RNASEH2B: variants seen among roughly 807,000 people sequenced by gnomAD.
RNASEH2B encodes the protein ribonuclease H2 subunit B, also known as Aicardi-Goutieres syndrome 2 protein.
RNASEH2B carries 36 observed loss-of-function variants against 45.0 expected under a neutral mutation model. That is an observed-to-expected ratio of 0.80 (90% confidence interval 0.61 to 1.06). The LOEUF is 1.06. Ranked by LOEUF, RNASEH2B falls within the 50% of genes least tolerant of loss-of-function variation. The probability of loss-of-function intolerance (pLI) is 0.00; values close to 1 mark genes in which losing one functional copy is unlikely to be tolerated. For synonymous variants in RNASEH2B, 119 were observed against 125.7 expected, an observed-to-expected ratio of 0.95 and a Z score of 0.35; for missense variants, 361 against 360.3, an observed-to-expected ratio of 1.00 and a Z score of -0.02.
intron 6 of RNASEH2B, among the ~76,000 whole-genome samples, chr13:50,943,638 C>T (rs920245677): frequency 6.6e-6 from 1 of 152,186 alleles, no homozygotes; most frequent in African/African-American, 2.4e-5. Context: ...CCTGCTCCTA[C>T]TACGGAATGA....
Position 50,953,885 on chromosome 13 carries a change from T to C in RNASEH2B, c.742-20T>C, listed in dbSNP as rs755138594. On this transcript the variant is annotated intron_variant, in intron 9 of 10. Coordinates refer to ENST00000336617, the MANE Select transcript of RNASEH2B (RefSeq NM_024570.4). ...TGTCAAAGTGACATTTGACACCACT[T>C]CACTGCTCTAATGTTGCAGAAAATA... The C allele has an allele frequency of 9.8e-6, 15 of 1,528,062 alleles. No homozygotes were observed. The African/African-American group carries it at 1.8e-4, about 18-fold the overall frequency. 94.7% of individuals were successfully genotyped at this position (1,528,062 alleles called of 1,614,324 possible). A position where few individuals can be genotyped will look rare whatever the true frequency, so the allele number is the denominator to read the frequency against.
intron 1 of RNASEH2B, among the ~76,000 whole-genome samples, chr13:50,925,968 CAT>C (rs1461802457): frequency 1.3e-5 from 2 of 152,154 alleles, no homozygotes; most frequent in African/African-American, 4.8e-5. Flanking sequence ...GCTGGGCAAT[CAT>C]AGGGCTCATC....
chr13:50,967,422 A>ACTTCTTT (rs1411154598), intron 9 of RNASEH2B, among the ~76,000 whole-genome samples: 1 of 152,234 alleles, frequency 6.6e-6, no homozygotes, highest in Non-Finnish European at 1.5e-5. Context: ...AGACTGGCAA[A>ACTTCTTT]GCGCATTGTG....
intron 9 of RNASEH2B, chr13:50,953,492 C>G (rs1279557450): frequency 9.0e-6 from 2 of 221,352 alleles, no homozygotes; most frequent in Non-Finnish European, 1.8e-5. Flanking sequence ...ATTAAACTGG[C>G]CCAGGAGGTA....
chr13:50,921,054 C>T (rs566056323), intron 1 of RNASEH2B: 40 of 152,292 alleles, frequency 2.6e-4, no homozygotes, highest in African/African-American at 7.9e-4. Flanking sequence ...ACTTTTTCCA[C>T]GTAGTTGAGG....
At chr13:50,910,973 A>G (rs940578394) in intron 1 of RNASEH2B, 2 of 152,242 alleles carry the variant, frequency 1.3e-5, no homozygotes, top group East Asian at 1.9e-4. Context: ...TTTCCCAGGA[A>G]TTTAGAGTTT....
chr13:50,946,887 G>A (rs972582297), intron 7 of RNASEH2B, among the ~76,000 whole-genome samples: 3 of 152,106 alleles, frequency 2.0e-5, no homozygotes, highest in Admixed American at 1.3e-4. Flanking sequence ...TAGTTTTCTT[G>A]GTCTAGTCAT....
At chr13:50,943,277 T>A (rs1003145341) in intron 5 of RNASEH2B, 44 bp from the exon 6 acceptor site, 4 of 898,910 alleles carry the variant, frequency 4.4e-6, no homozygotes, top group Non-Finnish European at 6.9e-6. Flanking sequence ...TAGGAGTTTA[T>A]TTTTTTTTTA....
chr13:50,912,372 C>G (rs934710124), intron 1 of RNASEH2B: 4 of 152,270 alleles, frequency 2.6e-5, no homozygotes, highest in African/African-American at 9.6e-5. Flanking sequence ...GCATTGGTAA[C>G]AAGTTCCCAA....
rs534340192 is a variant in RNASEH2B at position 50,929,430 on chromosome 13, G to C, written c.137-45G>C. The C allele has an allele frequency of 1.8e-5, 20 of 1,139,152 alleles. No individual in the cohort carries two copies. The South Asian group carries it at 2.5e-4, about 14-fold the overall frequency. The allele number at this position is 1,139,152 out of a possible 1,614,324, so 70.6% of individuals were successfully genotyped here. A position where few individuals can be genotyped will look rare whatever the true frequency, so the allele number is the denominator to read the frequency against. On this transcript the variant is annotated intron_variant, in intron 2 of 10. Coordinates refer to ENST00000336617, the MANE Select transcript of RNASEH2B (RefSeq NM_024570.4). ...TTTTGGGGTGTGTGTGTGTTTGTGTGTGTGTGTGAAAACTTACAAATAAAA... is the reference window on the plus strand; with the variant it reads ...TTTTGGGGTGTGTGTGTGTTTGTGTCTGTGTGTGAAAACTTACAAATAAAA...
intron 9 of RNASEH2B, among the ~76,000 whole-genome samples, chr13:50,967,006 G>A (rs934777468): frequency 3.9e-5 from 6 of 152,204 alleles, no homozygotes; most frequent in East Asian, 1.9e-4. Flanking sequence ...TCTCAGTTCC[G>A]CCTTAATTCT....
intron 1 of RNASEH2B, among the ~76,000 whole-genome samples, chr13:50,917,516 C>T (rs938604467): frequency 6.6e-6 from 1 of 152,242 alleles, no homozygotes; most frequent in Admixed American, 6.5e-5. Context: ...CAACTTCTAG[C>T]TGTTATAACT....
At position 50,920,975 on chromosome 13, in the gene RNASEH2B, G is replaced by A. The variant is rs563204685; in HGVS notation, c.65-6432G>A. On this transcript the variant is annotated intron_variant, in intron 1 of 10. Transcript: ENST00000336617. ...TTCTTGGAAGACTAATTGTTAAGCC[G>A]TTATGTAACTCTGTGCTTAGATTTC... Among the ~76,000 whole-genome samples, 82 of 152,202 alleles carry A rather than the reference G, an allele frequency of 5.4e-4. 1 individual carries two copies. In the South Asian group the frequency reaches 8.9e-3, roughly 17 times the overall value.
At chr13:50,926,335 T>G (rs1951595999) in intron 1 of RNASEH2B, among the ~76,000 whole-genome samples, 1 of 152,202 alleles carries the variant, frequency 6.6e-6, no homozygotes, top group Non-Finnish European at 1.5e-5. Flanking sequence ...AAATCTCCCT[T>G]CTTTCATTCT....
Position 50,910,057 on chromosome 13 carries a change from C to T in RNASEH2B, c.-20C>T, listed in dbSNP as rs1879252513. Reference sequence around the variant, plus strand: ...GGCCCGCGGCGCTGAGCCTGCGGCGCCCCGGAAGAGGCGGGCGGCATGGCC... The same window carrying T: ...GGCCCGCGGCGCTGAGCCTGCGGCGTCCCGGAAGAGGCGGGCGGCATGGCC... On this transcript the variant is annotated 5_prime_UTR_variant, in exon 1 of 11. Transcript: ENST00000336617. 4 of 1,465,306 alleles carry T rather than the reference C, an allele frequency of 2.7e-6. No homozygotes were observed. The highest frequency in any genetic ancestry group is 3.0e-5 in the African/African-American group (2 of 67,542). The allele number at this position is 1,465,306 out of a possible 1,614,324, so 90.8% of individuals were successfully genotyped here.
chr13:50,937,880 G>C (rs2137962982), intron 5 of RNASEH2B: 2 of 152,258 alleles, frequency 1.3e-5, no homozygotes, highest in South Asian at 4.2e-4. Flanking sequence ...CCCAAGACTG[G>C]ATACAAGAGA....
intron 1 of RNASEH2B, among the ~76,000 whole-genome samples, chr13:50,922,456 T>C (rs1331976666): frequency 6.6e-6 from 1 of 152,152 alleles, no homozygotes; most frequent in Non-Finnish European, 1.5e-5. Context: ...TGCCCAACTG[T>C]TGAAGGTATG....
intron 1 of RNASEH2B, among the ~76,000 whole-genome samples, chr13:50,919,403 G>A (rs1951488277): frequency 6.6e-6 from 1 of 152,184 alleles, no homozygotes; most frequent in African/African-American, 2.4e-5. Flanking sequence ...GATATCTGGG[G>A]GTGGTGGGGA....
At chr13:50,926,776 T>C (rs1951603225) in intron 1 of RNASEH2B, among the ~76,000 whole-genome samples, 1 of 151,670 alleles carries the variant, frequency 6.6e-6, no homozygotes, top group Non-Finnish European at 1.5e-5. Flanking sequence ...AAAATCATTA[T>C]AAGCAGGATT....
Sources: allele counts gnomAD v4.1 joint callset (sites outside exome capture counted in the v4.1 genomes callset), GRCh38; gene constraint gnomAD v4.1.1; transcripts MANE v1.5; gene names NCBI Gene and HGNC (gene_info 2026-07-23, HGNC 2026-07-21).